PPP1R1C: variants seen among roughly 807,000 people sequenced by gnomAD.
The protein encoded by PPP1R1C is protein phosphatase 1 regulatory inhibitor subunit 1C, also known as protein phosphatase 1 regulatory subunit 1C.
Under a neutral mutation model 17.4 loss-of-function variants are expected in PPP1R1C, and 15 were observed. That is an observed-to-expected ratio of 0.86 (90% CI 0.58 to 1.33). The LOEUF (loss-of-function observed/expected upper bound fraction) is 1.33. PPP1R1C is among the 40% of genes most tolerant of loss of function. The pLI, the probability that PPP1R1C is intolerant of heterozygous loss-of-function variation, is 0.00. For missense variants in PPP1R1C, 143 were observed against 130.0 expected (o/e 1.10, Z -0.48); for synonymous variants, 35 against 43.1 (o/e 0.81, Z 0.73).
chr2:182,091,078 A>G (rs2125220867), intron 4 of PPP1R1C, among the ~76,000 whole-genome samples: 1 of 152,336 alleles, frequency 6.6e-6, no homozygotes, highest in Non-Finnish European at 1.5e-5. Context: ...TTGATGAAGG[A>G]CTTTTCTTCA....
chr2:182,085,356 A>G (rs4289139), intron 4 of PPP1R1C, among the ~76,000 whole-genome samples: 1 of 152,092 alleles, frequency 6.6e-6, no homozygotes, highest in South Asian at 2.1e-4. Flanking sequence ...ATCCATCTGT[A>G]TACACATAAA....
intron 4 of PPP1R1C, among the ~76,000 whole-genome samples, chr2:182,086,307 A>T (rs1424382744): frequency 6.6e-6 from 1 of 152,174 alleles, no homozygotes; most frequent in Non-Finnish European, 1.5e-5. Flanking sequence ...CCAAAATAAA[A>T]AAGTTAAATC....
chr2:182,030,293 G>T (rs1686777780), intron 2 of PPP1R1C, among the ~76,000 whole-genome samples: 1 of 152,186 alleles, frequency 6.6e-6, no homozygotes, highest in Admixed American at 6.5e-5. Context: ...GGCACTCTGT[G>T]TTTTAGAGTT....
intron 2 of PPP1R1C, among the ~76,000 whole-genome samples, chr2:182,039,966 T>C (rs984764858): frequency 2.0e-5 from 3 of 152,198 alleles, no homozygotes; most frequent in Non-Finnish European, 4.4e-5. Context: ...CCATCCAAGT[T>C]GCTGCAAAAG....
chr2:182,037,963 A>G (rs190216322), intron 2 of PPP1R1C, among the ~76,000 whole-genome samples: 5 of 152,230 alleles, frequency 3.3e-5, no homozygotes, highest in Admixed American at 2.0e-4. Flanking sequence ...TGATAGCTCT[A>G]TATTTACTGT....
chr2:182,043,085 A>T (rs1455362430), intron 2 of PPP1R1C, among the ~76,000 whole-genome samples: 1 of 152,254 alleles, frequency 6.6e-6, no homozygotes, highest in African/African-American at 2.4e-5. Flanking sequence ...CATAATGGCC[A>T]AACATTAGAA....
intron 4 of PPP1R1C, among the ~76,000 whole-genome samples, chr2:182,079,804 G>A (rs984867027): frequency 4.6e-5 from 7 of 152,152 alleles, no homozygotes; most frequent in African/African-American, 1.7e-4. Flanking sequence ...GGTGGCCCCA[G>A]GTGTTCTTCA....
At chr2:182,020,873 C>A (rs1259810984) in intron 2 of PPP1R1C, among the ~76,000 whole-genome samples, 1 of 152,168 alleles carries the variant, frequency 6.6e-6, no homozygotes, top group African/African-American at 2.4e-5. Context: ...AGTCACTGAA[C>A]CCACTTCAAT....
Position 182,020,329 on chromosome 2 carries a change from T to C in PPP1R1C, c.142+32430T>C, listed in dbSNP as rs557560108. Among the ~76,000 whole-genome samples, 3 of 152,338 alleles carry C rather than the reference T, an allele frequency of 2.0e-5. No individual in the cohort carries two copies. In the South Asian group the frequency reaches 6.2e-4, roughly 32 times the overall value. ...GTAATATCTTAGATAAAATATCTTA[T>C]TAGACATGTTCATGCGTTCTGGAAT... On this transcript the variant is annotated intron_variant, in intron 2 of 4. Coordinates refer to ENST00000682840, the MANE Select transcript of PPP1R1C (RefSeq NM_001080545.3).
chr2:182,019,929 A>G (rs1340371807), intron 2 of PPP1R1C, among the ~76,000 whole-genome samples: 1 of 152,244 alleles, frequency 6.6e-6, no homozygotes, highest in Non-Finnish European at 1.5e-5. Flanking sequence ...ATATAGATCC[A>G]TCTCTGTAAC....
intron 2 of PPP1R1C, among the ~76,000 whole-genome samples, chr2:182,008,968 T>C (rs994809820): frequency 6.6e-5 from 10 of 152,208 alleles, no homozygotes; most frequent in African/African-American, 2.4e-4. Flanking sequence ...GACCTCATTC[T>C]TTTTTATGGC....
intron 2 of PPP1R1C, among the ~76,000 whole-genome samples, chr2:181,991,171 A>G (rs1255430219): frequency 6.6e-6 from 1 of 151,992 alleles, no homozygotes; most frequent in African/African-American, 2.4e-5. Flanking sequence ...GGAGTATTTG[A>G]AAGAATGATT....
intron 2 of PPP1R1C, among the ~76,000 whole-genome samples, chr2:181,990,994 A>T (rs1434262580): frequency 6.6e-6 from 1 of 152,214 alleles, no homozygotes; most frequent in Admixed American, 6.5e-5. Flanking sequence ...CTTTATTGTC[A>T]ATTAATAAAG....
intron 2 of PPP1R1C, among the ~76,000 whole-genome samples, chr2:182,026,740 T>C (rs1223044349): frequency 6.6e-6 from 1 of 151,954 alleles, no homozygotes; most frequent in African/African-American, 2.4e-5. Context: ...TTTACAATTC[T>C]GTGAAGAAAG....
intron 2 of PPP1R1C, among the ~76,000 whole-genome samples, chr2:182,043,090 T>G (rs1445085704): frequency 1.3e-5 from 2 of 152,080 alleles, no homozygotes; most frequent in Non-Finnish European, 2.9e-5. Flanking sequence ...TGGCCAAACA[T>G]TAGAAAAGCA....
chr2:182,094,692 G>T (rs1034045772), intron 4 of PPP1R1C, among the ~76,000 whole-genome samples: 6 of 152,140 alleles, frequency 3.9e-5, no homozygotes, highest in African/African-American at 1.2e-4. Context: ...AAGTGTTTAG[G>T]CTGGAGGTTG....
At chr2:182,107,279 G>T (rs1230039723) in intron 4 of PPP1R1C, among the ~76,000 whole-genome samples, 1 of 152,124 alleles carries the variant, frequency 6.6e-6, no homozygotes, top group Non-Finnish European at 1.5e-5. Context: ...GAATTTGCAT[G>T]ATTCCAATGA....
rs1298090324 is a variant in PPP1R1C, at chr2:182,092,114, A to G, written c.242-25093A>G. On this transcript the variant is annotated intron_variant, in intron 4 of 4. Transcript: ENST00000682840. The stretch of plus-strand genomic sequence containing the variant: ...AGAGAGAGTGTATTAGTCCGTTTTC[A>G]TGCTGCTGATAAAGACATACCTGAG... 6.6e-5 allele frequency among the ~76,000 whole-genome samples: 10 copies of G among 152,218 alleles called. No homozygotes were observed. The East Asian group carries it at 1.7e-3, about 26-fold the overall frequency.
intron 2 of PPP1R1C, among the ~76,000 whole-genome samples, chr2:182,036,762 C>G (rs1687020040): frequency 1.3e-5 from 2 of 152,018 alleles, no homozygotes; most frequent in Non-Finnish European, 2.9e-5. Flanking sequence ...ATTACTTTTG[C>G]ACCAACCTAA....
Sources: allele counts gnomAD v4.1 joint callset (sites outside exome capture counted in the v4.1 genomes callset), GRCh38; gene constraint gnomAD v4.1.1; transcripts MANE v1.5; gene names NCBI Gene and HGNC (gene_info 2026-07-23, HGNC 2026-07-21).